NRG3: variants seen among roughly 807,000 people sequenced by gnomAD.
NRG3 encodes the protein neuregulin 3, also known as pro-neuregulin-3, membrane-bound isoform.
Under a neutral mutation model 66.9 loss-of-function variants are expected in NRG3, and 31 were observed. The ratio of observed to expected loss-of-function variants is 0.46; its 90% CI spans 0.35 to 0.63. The LOEUF is 0.63. NRG3 is among the 20% of genes least tolerant of loss of function. The probability of loss-of-function intolerance (pLI) is 0.00; values close to 1 mark genes in which losing one functional copy is unlikely to be tolerated. For missense variants in NRG3, 910 were observed against 878.9 expected (o/e 1.04, Z -0.45); for synonymous variants, 393 against 359.4 (o/e 1.09, Z -1.06).
chr10:81,961,584 T>C (rs538234659), intron 1 of NRG3, among the ~76,000 whole-genome samples: 82 of 152,370 alleles, frequency 5.4e-4, no homozygotes, highest in Admixed American at 2.0e-3. Context: ...GTGTAAACTT[T>C]AGGTAACAAT....
At chr10:82,819,456 A>G (rs911316020) in intron 3 of NRG3, among the ~76,000 whole-genome samples, 1 of 152,232 alleles carries the variant, frequency 6.6e-6, no homozygotes, top group African/African-American at 2.4e-5. Context: ...GAAGCAGCAA[A>G]GCCAGCTGCA....
intron 1 of NRG3, among the ~76,000 whole-genome samples, chr10:82,212,944 T>G (rs1332274386): frequency 6.6e-6 from 1 of 152,214 alleles, no homozygotes; most frequent in Non-Finnish European, 1.5e-5. Flanking sequence ...TTGCAGCTTT[T>G]TAAATTGAGA....
intron 3 of NRG3, among the ~76,000 whole-genome samples, chr10:82,780,322 T>G (rs936539892): frequency 1.3e-5 from 2 of 152,208 alleles, no homozygotes; most frequent in Non-Finnish European, 2.9e-5. Flanking sequence ...GTTGAACTAA[T>G]TTACACTCCC....
intron 1 of NRG3, among the ~76,000 whole-genome samples, chr10:82,085,643 T>G (rs1233203726): frequency 6.6e-6 from 1 of 152,014 alleles, no homozygotes; most frequent in Non-Finnish European, 1.5e-5. Flanking sequence ...ACCTCTTTTT[T>G]TTTTCTTTTT....
Position 82,804,794 on chromosome 10 carries a change from G to A in NRG3, c.1028-60617G>A, listed in dbSNP as rs573495781. 5.3e-5 allele frequency among the ~76,000 whole-genome samples: 8 copies of A among 152,224 alleles called. No individual in the cohort carries two copies. In the East Asian group the frequency reaches 1.4e-3, roughly 26 times the overall value. ...GAGAATGCAGACGGTCAAAATTGAC[G>A]CTATTTTCAGAGCCACAGAATTTCA... is the stretch of plus-strand genomic sequence containing the variant. On this transcript the variant is annotated intron_variant, in intron 3 of 8. Coordinates refer to ENST00000372141, the MANE Select transcript of NRG3 (RefSeq NM_001010848.4).
chr10:81,963,327 GTTTCACC>G (rs1226339577), intron 1 of NRG3, among the ~76,000 whole-genome samples: 1 of 150,428 alleles, frequency 6.6e-6, no homozygotes, highest in African/African-American at 2.5e-5. Flanking sequence ...TAGAGACGGG[GTTTCACC>G]GTTTTAGCCG....
At chr10:81,962,205 T>C (rs1261677245) in intron 1 of NRG3, among the ~76,000 whole-genome samples, 1 of 152,156 alleles carries the variant, frequency 6.6e-6, no homozygotes, top group Non-Finnish European at 1.5e-5. Context: ...GTTAAAGAAA[T>C]CTCAGCCTTG....
In NRG3 at chr10:82,839,601, C is replaced by T. The variant is rs374477773; in HGVS notation, c.1028-25810C>T. 3.2e-4 allele frequency among the ~76,000 whole-genome samples: 48 copies of T among 151,254 alleles called. 1 individual carries two copies. The East Asian group carries it at 5.8e-3, about 18-fold the overall frequency. On this transcript the variant is annotated intron_variant, in intron 3 of 8. Coordinates refer to ENST00000372141, the MANE Select transcript of NRG3 (RefSeq NM_001010848.4). The stretch of plus-strand genomic sequence containing the variant: ...TAGATATTATTGAGTAATATTATTG[C>T]TTTCATTTTCCAAAACTCTCTTCTA...
intron 1 of NRG3, among the ~76,000 whole-genome samples, chr10:82,198,556 A>C (rs12769829): frequency 6.6e-6 from 1 of 151,918 alleles, no homozygotes; most frequent in Non-Finnish European, 1.5e-5. Context: ...TTATCAACCT[A>C]GGTTAATTGG....
rs35978343 is a variant in NRG3 at position 82,600,717 on chromosome 10, C to A, written c.954-137860C>A. On this transcript the variant is annotated intron_variant, in intron 2 of 8. Transcript: ENST00000372141. ...ACTCCTGACCTCGTGATCCTTTCAC[C>A]TTAGCCTCCCAAAGTGCTGGAATTA... Among the ~76,000 whole-genome samples, 540 of 152,250 alleles carry A rather than the reference C, an allele frequency of 3.5e-3. 1 individual carries two copies. The highest frequency in any genetic ancestry group is 0.012 in the African/African-American group (515 of 41,546).
At chr10:82,972,430 C>A (rs1851856099) in intron 6 of NRG3, among the ~76,000 whole-genome samples, 2 of 152,132 alleles carry the variant, frequency 1.3e-5, no homozygotes. Flanking sequence ...AATTTTAAAG[C>A]CGACATTTTA....
chr10:82,502,963 A>G (rs545231593), intron 2 of NRG3, among the ~76,000 whole-genome samples: 17 of 152,276 alleles, frequency 1.1e-4, no homozygotes, highest in African/African-American at 3.6e-4. Flanking sequence ...TTTGCCTTCC[A>G]ATTTGATTTG....
chr10:82,226,876 A>G (rs1177517813), intron 1 of NRG3, among the ~76,000 whole-genome samples: 3 of 152,192 alleles, frequency 2.0e-5, no homozygotes, highest in Admixed American at 2.0e-4. Flanking sequence ...AATAATTGTC[A>G]GTCATCACTG....
intron 2 of NRG3, among the ~76,000 whole-genome samples, chr10:82,582,681 TG>T (rs1341931020): frequency 7.9e-5 from 12 of 151,976 alleles, no homozygotes; most frequent in African/African-American, 2.9e-4. Context: ...TGTGTGTGTG[TG>T]TGTGTGTGTG....
chr10:82,891,408 G>A (rs987430300), intron 4 of NRG3, among the ~76,000 whole-genome samples: 43 of 151,996 alleles, frequency 2.8e-4, no homozygotes, highest in African/African-American at 9.9e-4. Context: ...CTATGCTTGT[G>A]ATACAGATTT....
At chr10:82,599,138 G>A (rs2047463184) in intron 2 of NRG3, among the ~76,000 whole-genome samples, 1 of 152,160 alleles carries the variant, frequency 6.6e-6, no homozygotes. Flanking sequence ...AAATTAGTCA[G>A]GGATTTTTTT....
intron 2 of NRG3, among the ~76,000 whole-genome samples, chr10:82,672,942 G>A (rs1401029800): frequency 5.9e-5 from 9 of 152,182 alleles, no homozygotes; most frequent in Admixed American, 3.9e-4. Context: ...GTAGAGATGG[G>A]GTTTTACCAT....
At chr10:82,308,640 C>A (rs995132280) in intron 1 of NRG3, among the ~76,000 whole-genome samples, 3 of 152,036 alleles carry the variant, frequency 2.0e-5, no homozygotes, top group African/African-American at 7.2e-5. Flanking sequence ...ATGTTTATAC[C>A]AATATTCCTC....
intron 2 of NRG3, among the ~76,000 whole-genome samples, chr10:82,547,445 T>A (rs2043993909): frequency 6.6e-6 from 1 of 150,770 alleles, no homozygotes; most frequent in Non-Finnish European, 1.5e-5. Context: ...ATTCCATGTA[T>A]AGTGTGTATA....
Sources: allele counts gnomAD v4.1 joint callset (sites outside exome capture counted in the v4.1 genomes callset), GRCh38; gene constraint gnomAD v4.1.1; transcripts MANE v1.5; gene names NCBI Gene and HGNC (gene_info 2026-07-23, HGNC 2026-07-21).